The following KCNIP4 variants were observed in gnomAD, a reference collection of about 807,000 sequenced individuals.
KCNIP4 encodes potassium voltage-gated channel interacting protein 4.
A neutral mutation model predicts 34.0 loss-of-function variants in KCNIP4; 12 were observed. That is an observed-to-expected ratio of 0.35 (90% CI 0.23 to 0.57). The LOEUF (loss-of-function observed/expected upper bound fraction) is 0.57, where lower values mean the gene tolerates loss of function less well. Among genes scored for constraint, KCNIP4 ranks in the 20% least tolerant of loss-of-function variants. KCNIP4 has a pLI of 0.83. For synonymous variants in KCNIP4, 124 were observed against 102.2 expected, an observed-to-expected ratio of 1.21 and a Z score of -1.29; for missense variants, 238 against 311.7, an observed-to-expected ratio of 0.76 and a Z score of 1.78.
intron 1 of KCNIP4, among the ~76,000 whole-genome samples, chr4:20,977,190 T>C (rs753929747): frequency 7.9e-5 from 12 of 152,124 alleles, no homozygotes; most frequent in Non-Finnish European, 1.5e-4. Context: ...CTAATATGAG[T>C]AACAGCTGCT....
intron 1 of KCNIP4, among the ~76,000 whole-genome samples, chr4:21,007,558 C>A (rs1317083588): frequency 6.6e-6 from 1 of 152,166 alleles, no homozygotes; most frequent in Non-Finnish European, 1.5e-5. Flanking sequence ...CCGACCCACC[C>A]AGCAACTTCC....
At chr4:21,342,714 C>T (rs1348970054) in intron 1 of KCNIP4, among the ~76,000 whole-genome samples, 7 of 152,096 alleles carry the variant, frequency 4.6e-5, no homozygotes, top group Admixed American at 6.6e-5. Context: ...AACACCTAAT[C>T]GTGTTGCTAG....
intron 1 of KCNIP4, among the ~76,000 whole-genome samples, chr4:21,281,868 C>T (rs1046394978): frequency 2.0e-5 from 3 of 152,114 alleles, no homozygotes; most frequent in Non-Finnish European, 4.4e-5. Context: ...TTTTCATCAC[C>T]GGCTGCAAAC....
intron 1 of KCNIP4, among the ~76,000 whole-genome samples, chr4:21,142,851 T>C (rs1348098882): frequency 6.6e-6 from 1 of 152,186 alleles, no homozygotes; most frequent in Non-Finnish European, 1.5e-5. Flanking sequence ...TGAAAGTAGG[T>C]GCTTAAATGG....
At chr4:21,837,911 G>A (rs1002754521) in intron 1 of KCNIP4, among the ~76,000 whole-genome samples, 4 of 151,980 alleles carry the variant, frequency 2.6e-5, no homozygotes, top group Non-Finnish European at 4.4e-5. Context: ...GGGCAGCACT[G>A]GGCCAATTAT....
At chr4:21,480,122 T>C (rs554987867) in intron 1 of KCNIP4, among the ~76,000 whole-genome samples, 353 of 151,840 alleles carry the variant, frequency 2.3e-3, no homozygotes, top group African/African-American at 7.8e-3. Flanking sequence ...AAATACTGTA[T>C]AAGAAATTTT....
intron 1 of KCNIP4, among the ~76,000 whole-genome samples, chr4:20,943,318 C>T (rs1731844541): frequency 6.6e-6 from 1 of 152,148 alleles, no homozygotes; most frequent in African/African-American, 2.4e-5. Context: ...AGTGTGCATG[C>T]CAACCAGTTT....
intron 1 of KCNIP4, among the ~76,000 whole-genome samples, chr4:21,044,526 G>A (rs1742269009): frequency 1.3e-5 from 2 of 151,960 alleles, no homozygotes; most frequent in Non-Finnish European, 2.9e-5. Flanking sequence ...TGGCCAGGAT[G>A]GTCTCGATCT....
rs1030634814 is a variant in KCNIP4 at position 21,263,969 on chromosome 4, G to A, written c.62-381260C>T. Among the ~76,000 whole-genome samples, 73 of 134,606 alleles carry A rather than the reference G, an allele frequency of 5.4e-4. 1 individual carries two copies. The highest frequency in any genetic ancestry group is 1.5e-4 in the Non-Finnish European group (9 of 61,858). 88.3% of individuals were successfully genotyped at this position (134,606 alleles called of 152,430 possible). A position where few individuals can be genotyped will look rare whatever the true frequency, so the allele number is the denominator to read the frequency against. On this transcript the variant is annotated intron_variant, in intron 1 of 8. Coordinates refer to ENST00000382152, the MANE Select transcript of KCNIP4 (RefSeq NM_025221.6). ...CATGCCCAGCCCAATATATATATAC[G>A]TGTGTGTGTGTGTGTGTGTGTGTAT...
chr4:20,916,431 T>C (rs1728823855), intron 1 of KCNIP4: 5 of 761,938 alleles, frequency 6.6e-6, no homozygotes, highest in Non-Finnish European at 8.0e-6. Context: ...AGAAAATATA[T>C]GTGTGGTTTC....
At chr4:21,027,400 C>T (rs1740648327) in intron 1 of KCNIP4, among the ~76,000 whole-genome samples, 1 of 151,768 alleles carries the variant, frequency 6.6e-6, no homozygotes, top group African/African-American at 2.4e-5. Context: ...TGGGTTAAAT[C>T]AAGAGCATTT....
At chr4:20,903,987 G>A (rs1206267108) in intron 1 of KCNIP4, among the ~76,000 whole-genome samples, 1 of 152,040 alleles carries the variant, frequency 6.6e-6, no homozygotes, top group Non-Finnish European at 1.5e-5. Context: ...TACTTGATGG[G>A]CTCCCCTCAG....
At chr4:21,649,102 T>C (rs1342892536) in intron 1 of KCNIP4, among the ~76,000 whole-genome samples, 2 of 152,188 alleles carry the variant, frequency 1.3e-5, no homozygotes, top group African/African-American at 4.8e-5. Flanking sequence ...TGAAGTACTT[T>C]TGTTTCTAGA....
chr4:21,537,925 T>G (rs1367529979), intron 1 of KCNIP4, among the ~76,000 whole-genome samples: 1 of 138,608 alleles, frequency 7.2e-6, no homozygotes, highest in East Asian at 2.2e-4. Flanking sequence ...GTCAGAAGAA[T>G]AGCTTGAACC....
At position 21,604,438 on chromosome 4, in the gene KCNIP4, G is replaced by A. The variant is rs970932061; in HGVS notation, c.61+344133C>T. Among the ~76,000 whole-genome samples the A allele has an allele frequency of 1.5e-4, 23 of 152,126 alleles. No homozygotes were observed. The East Asian group carries it at 4.2e-3, about 28-fold the overall frequency. ...AACCAGAATTTTTACCTAGGGTTGT[G>A]TGATTTCAGTATAAAAGACTTATTA... On this transcript the variant is annotated intron_variant, in intron 1 of 8. Transcript: ENST00000382152.
intron 2 of KCNIP4, among the ~76,000 whole-genome samples, chr4:20,857,695 T>C (rs1054924560): frequency 3.9e-5 from 6 of 152,142 alleles, no homozygotes; most frequent in African/African-American, 1.4e-4. Flanking sequence ...TCTCTTTTAA[T>C]ACCAGCAGAA....
chr4:21,296,873 G>A (rs879816241), intron 1 of KCNIP4, among the ~76,000 whole-genome samples: 2 of 151,824 alleles, frequency 1.3e-5, no homozygotes, highest in Non-Finnish European at 2.9e-5. Context: ...TCTGTGGGAT[G>A]GTGGCACCAA....
intron 1 of KCNIP4, among the ~76,000 whole-genome samples, chr4:21,402,036 T>C (rs1723601747): frequency 6.6e-6 from 1 of 152,242 alleles, no homozygotes; most frequent in Admixed American, 6.5e-5. Context: ...AAATGTCCTA[T>C]TAACTTGAAT....
chr4:21,774,355 G>C (rs1719030322), intron 1 of KCNIP4, among the ~76,000 whole-genome samples: 1 of 152,020 alleles, frequency 6.6e-6, no homozygotes, highest in African/African-American at 2.4e-5. Flanking sequence ...CTTTCTCTCT[G>C]GCTGCCCTTA....
Sources: allele counts gnomAD v4.1 joint callset (sites outside exome capture counted in the v4.1 genomes callset), GRCh38; gene constraint gnomAD v4.1.1; transcripts MANE v1.5; gene names NCBI Gene and HGNC (gene_info 2026-07-23, HGNC 2026-07-21).